The following ATG4C variants were observed in gnomAD, a reference collection of about 807,000 sequenced individuals.
ATG4C encodes the protein autophagy related 4C cysteine peptidase.
ATG4C carries 56 observed loss-of-function variants against 57.6 expected under a neutral mutation model. The observed-to-expected ratio is 0.97, with a 90% CI of 0.78 to 1.21. The LOEUF (loss-of-function observed/expected upper bound fraction) is 1.21, where lower values mean the gene tolerates loss of function less well. Ranked by LOEUF, ATG4C falls within the 50% of genes most tolerant of loss-of-function variation. The pLI, the probability that ATG4C is intolerant of heterozygous loss-of-function variation, is 0.00. For missense variants in ATG4C, 595 were observed against 529.8 expected (o/e 1.12, Z -1.21); for synonymous variants, 157 against 174.1 (o/e 0.90, Z 0.78).
At chr1:62,836,593 G>A (rs1198809189) in intron 9 of ATG4C, among the ~76,000 whole-genome samples, 1 of 151,954 alleles carries the variant, frequency 6.6e-6, no homozygotes, top group Non-Finnish European at 1.5e-5. Context: ...CCAATTGAAG[G>A]TGTTTTAACT....
chr1:62,840,944 G>C (rs1666147789), intron 9 of ATG4C, among the ~76,000 whole-genome samples: 1 of 152,190 alleles, frequency 6.6e-6, no homozygotes, highest in South Asian at 2.1e-4. Context: ...AAACCCTCAA[G>C]TTGACCTCTT....
chr1:62,814,503 G>A (rs796123009), intron 3 of ATG4C, among the ~76,000 whole-genome samples: 11 of 152,202 alleles, frequency 7.2e-5, no homozygotes, highest in African/African-American at 2.6e-4. Flanking sequence ...TCAATGACAG[G>A]TTGATGGATG....
chr1:62,837,505 G>T (rs1295412969), intron 9 of ATG4C, among the ~76,000 whole-genome samples: 1 of 152,124 alleles, frequency 6.6e-6, no homozygotes, highest in Non-Finnish European at 1.5e-5. Context: ...AGTGAGAAGA[G>T]ACCTCAAATG....
chr1:62,822,162 T>C (rs1488096015), intron 6 of ATG4C, among the ~76,000 whole-genome samples: 1 of 152,176 alleles, frequency 6.6e-6, no homozygotes, highest in Admixed American at 6.5e-5. Context: ...TTTAGAAAAG[T>C]TAAATATACT....
intron 10 of ATG4C, among the ~76,000 whole-genome samples, chr1:62,853,218 G>A (rs943706816): frequency 6.6e-6 from 1 of 151,924 alleles, no homozygotes; most frequent in Non-Finnish European, 1.5e-5. Flanking sequence ...ATTATTTTAC[G>A]CCAAATGAAA....
intron 10 of ATG4C, among the ~76,000 whole-genome samples, chr1:62,860,769 A>G (rs1296109955): frequency 3.3e-5 from 5 of 152,196 alleles, no homozygotes; most frequent in African/African-American, 7.2e-5. Context: ...GTATAGCTCT[A>G]GTGTGGTGAA....
At chr1:62,856,754 G>A (rs1233070291) in intron 10 of ATG4C, among the ~76,000 whole-genome samples, 1 of 152,114 alleles carries the variant, frequency 6.6e-6, no homozygotes. Context: ...CTTTACTGAT[G>A]GAGTTTGGTA....
intron 3 of ATG4C, among the ~76,000 whole-genome samples, chr1:62,808,882 T>C (rs547228122): frequency 1.3e-5 from 2 of 152,290 alleles, no homozygotes; most frequent in Admixed American, 1.3e-4. Context: ...TAAAACTAAA[T>C]TGCATTGTTT....
intron 10 of ATG4C, among the ~76,000 whole-genome samples, chr1:62,852,001 G>A (rs1463278820): frequency 2.6e-5 from 4 of 152,152 alleles, no homozygotes; most frequent in African/African-American, 4.8e-5. Context: ...CCTTGTTACC[G>A]TGTGTTTATT....
chr1:62,816,787 A>C lies in ATG4C; in HGVS notation c.373A>C (p.Ile125Leu), dbSNP rs779216571. 19 of 1,578,210 alleles carry C rather than the reference A, an allele frequency of 1.2e-5. No individual in the cohort carries two copies. Among genetic ancestry groups the C allele is most frequent in the Non-Finnish European group, 1.5e-5 (18 of 1,161,874 alleles). The change falls in exon 4 of 11, where the codon ATA (isoleucine) becomes CTA (leucine). Residue 125 changes from isoleucine (I) to leucine (L), a missense_variant. Physicochemically the swap from Ile to Leu is conservative, Grantham distance 5 (BLOSUM62 2). Coordinates refer to ENST00000317868, the MANE Select transcript of ATG4C (RefSeq NM_032852.4). Reference protein sequence around the residue: ...TGQMLLAQGLILHFLGRAWTW... With the variant: ...TGQMLLAQGLLLHFLGRAWTW... ...CCAGATGCTCTTGGCTCAAGGACTC[A>C]TACTACACTTTCTTGGTAGAGGTAA...
chr1:62,827,799 C>A (rs986624285), intron 6 of ATG4C, among the ~76,000 whole-genome samples: 1 of 99,260 alleles, frequency 1.0e-5, no homozygotes, highest in Admixed American at 1.3e-4. Flanking sequence ...TTCTGCTCCT[C>A]TCTCTCCTCC....
chr1:62,806,893 G>T (rs1018076668), intron 3 of ATG4C, among the ~76,000 whole-genome samples: 1 of 152,144 alleles, frequency 6.6e-6, no homozygotes, highest in Admixed American at 6.5e-5. Context: ...AAGCTGTGAA[G>T]AATTAGCAGA....
intron 10 of ATG4C, among the ~76,000 whole-genome samples, chr1:62,858,442 A>G (rs1225649498): frequency 6.6e-6 from 1 of 152,224 alleles, no homozygotes; most frequent in East Asian, 1.9e-4. Flanking sequence ...CATCTGCAAA[A>G]ACATGGATGA....
chr1:62,829,259 A>G, intron 7 of ATG4C, 83 bp downstream of exon 7: 1 of 1,418,140 alleles, frequency 7.1e-7, no homozygotes, highest in South Asian at 1.2e-5. Context: ...TTTCTGTTAA[A>G]TGAGTAGTGA....
At chr1:62,801,707 C>G (rs971621270) in intron 1 of ATG4C, among the ~76,000 whole-genome samples, 6 of 151,456 alleles carry the variant, frequency 4.0e-5, no homozygotes, top group African/African-American at 1.5e-4. Context: ...GCCTGTAATC[C>G]CAGCACTTTG....
intron 10 of ATG4C, among the ~76,000 whole-genome samples, chr1:62,848,582 A>C (rs1666397966): frequency 6.6e-6 from 1 of 152,196 alleles, no homozygotes; most frequent in Non-Finnish European, 1.5e-5. Context: ...ATATAATGCA[A>C]ATAATTTTTT....
intron 4 of ATG4C, 100 bp from the exon 5 acceptor site, chr1:62,818,905 T>C (rs997275783): frequency 6.3e-6 from 6 of 955,494 alleles, no homozygotes; most frequent in Non-Finnish European, 9.1e-6. Flanking sequence ...TTTACTGTCT[T>C]AGTAACCCAA....
At chr1:62,826,762 G>A (rs1665674611) in intron 6 of ATG4C, among the ~76,000 whole-genome samples, 1 of 105,638 alleles carries the variant, frequency 9.5e-6, no homozygotes, top group Admixed American at 1.2e-4. Flanking sequence ...CCCACAACAG[G>A]CCCTGGTGTG....
chr1:62,857,957 G>C (rs1448306337), intron 10 of ATG4C, among the ~76,000 whole-genome samples: 1 of 152,120 alleles, frequency 6.6e-6, no homozygotes, highest in African/African-American at 2.4e-5. Flanking sequence ...TTGCTCTCCT[G>C]CTGTAATGGG....
Sources: gnomAD v4.1 joint callset for allele counts (sites outside exome capture counted in the v4.1 genomes callset) on GRCh38, gnomAD v4.1.1 for gene constraint, MANE v1.5 for transcripts, NCBI Gene and HGNC (gene_info 2026-07-23, HGNC 2026-07-21) for gene names.